Variants in HIBCH observed in about 807,000 individuals in gnomAD.
HIBCH encodes the protein 3-hydroxyisobutyryl-CoA hydrolase, mitochondrial.
In HIBCH, 50 loss-of-function variants were observed where a neutral mutation model predicts 58.2. The observed-to-expected ratio is 0.86, with a 90% CI of 0.68 to 1.09. HIBCH has a LOEUF of 1.09. Ranked by LOEUF, HIBCH falls within the 50% of genes least tolerant of loss-of-function variation. The pLI is 0.00. For synonymous variants in HIBCH, 151 were observed against 146.9 expected, an observed-to-expected ratio of 1.03 and a Z score of -0.20; for missense variants, 450 against 449.7, an observed-to-expected ratio of 1.00 and a Z score of -0.01.
intron 11 of HIBCH, among the ~76,000 whole-genome samples, chr2:190,237,053 C>T (rs987457622): frequency 1.2e-4 from 18 of 152,114 alleles, no homozygotes; most frequent in African/African-American, 4.3e-4. Context: ...ACAATGCATA[C>T]ATCTATAGGC....
rs983183259 is a variant in HIBCH, at chr2:190,197,269, C to T, written c.*18-7272G>A. Among the ~76,000 whole-genome samples, 17 of 152,174 alleles carry T rather than the reference C, an allele frequency of 1.1e-4. No homozygotes were observed. Among genetic ancestry groups the T allele is most frequent in the African/African-American group, 4.1e-4 (17 of 41,438 alleles). ...CCTTGTTTAGGGTATACTACTGATTCCTAAGGTGTCGCATTTCTTGAGTAG... is the reference window on the plus strand; with the variant it reads ...CCTTGTTTAGGGTATACTACTGATTTCTAAGGTGTCGCATTTCTTGAGTAG... On this transcript the variant is annotated intron_variant, in intron 1 of 1. Transcript: ENST00000399855. The surrounding 1 kb of genome is among the most constrained non-coding windows in gnomAD (Gnocchi z 4.0).
intron 6 of HIBCH, among the ~76,000 whole-genome samples, chr2:190,263,280 C>G (rs1246064365): frequency 6.6e-6 from 1 of 152,116 alleles, no homozygotes; most frequent in Non-Finnish European, 1.5e-5. Context: ...CCTACCAAAC[C>G]CAGTAGTCAA....
intron 13 of HIBCH, among the ~76,000 whole-genome samples, chr2:190,208,326 T>C (rs1338383981): frequency 6.6e-6 from 1 of 152,128 alleles, no homozygotes; most frequent in African/African-American, 2.4e-5. Context: ...TTGAGGGCTT[T>C]TTGTAAGGTA....
chr2:190,301,180 A>T (rs1211105464), intron 2 of HIBCH, among the ~76,000 whole-genome samples: 1 of 152,218 alleles, frequency 6.6e-6, no homozygotes, highest in Non-Finnish European at 1.5e-5. Context: ...TCAGGAGGGA[A>T]ACAGAGGTCA....
downstream of HIBCH, chr2:190,203,909 G>A (rs989945851): frequency 6.6e-6 from 1 of 151,848 alleles, no homozygotes; most frequent in African/African-American, 2.4e-5. Context: ...TGGGATGAAG[G>A]AGAAACTATA....
chr2:190,261,054 T>A (rs112542275), intron 7 of HIBCH, 102 bp downstream of exon 7: 7 of 852,272 alleles, frequency 8.2e-6, no homozygotes, highest in African/African-American at 5.1e-5. Context: ...TTGTTGCATC[T>A]CACACAAGAG....
chr2:190,236,447 T>A lies in HIBCH; in HGVS notation c.891+8440A>T, dbSNP rs1219861404. Reference sequence around the variant, plus strand: ...GAACTGTAAATATTTTTCTAAGTAATCATCTTAAACCTTACAAACATATAT... The same window carrying A: ...GAACTGTAAATATTTTTCTAAGTAAACATCTTAAACCTTACAAACATATAT... On this transcript the variant is annotated intron_variant, in intron 11 of 13. Transcript: ENST00000359678. This position sits in a 1 kb window ranked among gnomAD's most constrained non-coding sequence, Gnocchi z 4.1. 2.0e-5 allele frequency among the ~76,000 whole-genome samples: 3 copies of A among 152,214 alleles called. No individual in the cohort carries two copies. Among genetic ancestry groups the A allele is most frequent in the African/African-American group, 7.2e-5 (3 of 41,464 alleles).
At chr2:190,272,642 G>T (rs1416064613) in intron 6 of HIBCH, among the ~76,000 whole-genome samples, 2 of 151,764 alleles carry the variant, frequency 1.3e-5, no homozygotes, top group Non-Finnish European at 2.9e-5. Context: ...CAAAGGAAAT[G>T]GCCAAGGGAA....
intron 11 of HIBCH, among the ~76,000 whole-genome samples, chr2:190,224,843 C>T (rs1277026939): frequency 1.3e-5 from 2 of 152,220 alleles, no homozygotes; most frequent in Non-Finnish European, 2.9e-5. Context: ...TTCTTCTCAG[C>T]ACCACATCAG....
At chr2:190,208,773 T>C (rs1207766495) in intron 13 of HIBCH, 107 bp downstream of exon 13, 3 of 932,820 alleles carry the variant, frequency 3.2e-6, no homozygotes, top group East Asian at 2.6e-5. Context: ...TTTTGGTACA[T>C]TTTGGATTTT....
chr2:190,196,723 G>C (rs1208497591), intron 1 of HIBCH, among the ~76,000 whole-genome samples: 2 of 152,068 alleles, frequency 1.3e-5, no homozygotes, highest in Non-Finnish European at 2.9e-5. Context: ...TGGTCCATAG[G>C]CTGGCTATTT....
chr2:190,268,783 G>A (rs1687311791), intron 6 of HIBCH, among the ~76,000 whole-genome samples: 1 of 152,146 alleles, frequency 6.6e-6, no homozygotes, highest in Non-Finnish European at 1.5e-5. Context: ...CTAACCCATA[G>A]GCAGCATGCC....
At chr2:190,274,614 C>T (rs2582772) in intron 6 of HIBCH, among the ~76,000 whole-genome samples, 109,553 of 152,076 alleles carry the variant, frequency 0.72, 39,983 homozygotes, top group Non-Finnish European at 0.75. Flanking sequence ...GGGACTGCTC[C>T]AACAAGACAG....
intron 1 of HIBCH, among the ~76,000 whole-genome samples, chr2:190,190,731 A>G (rs185028335): frequency 2.5e-3 from 378 of 152,290 alleles, no homozygotes; most frequent in African/African-American, 8.0e-3. Context: ...AATTTTAGCA[A>G]TCTTAGTGTG....
chr2:190,216,268 G>A lies in HIBCH; in HGVS notation c.892-3193C>T, dbSNP rs1276290269. Among the ~76,000 whole-genome samples, 1 of 152,148 alleles carries A rather than the reference G, an allele frequency of 6.6e-6. No individual in the cohort carries two copies. The highest frequency in any genetic ancestry group is 2.4e-5 in the African/African-American group (1 of 41,430). Reference sequence around the variant, plus strand: ...GGAACCGGGCGATGCAAATGAGAAAGGGATGTGGAGGACAGTTTAGGATCA... The same window carrying A: ...GGAACCGGGCGATGCAAATGAGAAAAGGATGTGGAGGACAGTTTAGGATCA... On this transcript the variant is annotated intron_variant, in intron 11 of 13. Coordinates refer to ENST00000359678, the MANE Select transcript of HIBCH (RefSeq NM_014362.4). The surrounding 1 kb of genome is among the most constrained non-coding windows in gnomAD (Gnocchi z 4.2).
downstream of HIBCH, chr2:190,201,081 G>A (rs1330485955): frequency 6.0e-6 from 1 of 166,982 alleles, no homozygotes; most frequent in Non-Finnish European, 1.5e-5. Flanking sequence ...ATTTACAGTT[G>A]TATTGCAAAA....
intron 6 of HIBCH, among the ~76,000 whole-genome samples, chr2:190,283,109 C>T (rs1687745952): frequency 6.6e-6 from 1 of 152,144 alleles, no homozygotes; most frequent in African/African-American, 2.4e-5. Context: ...GATTTTGGAA[C>T]ATTTCCGATT....
chr2:190,231,422 A>T (rs980443386), intron 11 of HIBCH, among the ~76,000 whole-genome samples: 1 of 152,218 alleles, frequency 6.6e-6, no homozygotes, highest in Non-Finnish European at 1.5e-5. Context: ...AAAGGGCAAA[A>T]ATCATATGAT....
intron 6 of HIBCH, among the ~76,000 whole-genome samples, chr2:190,274,540 A>T (rs1161618185): frequency 1.3e-5 from 2 of 152,148 alleles, no homozygotes; most frequent in South Asian, 4.1e-4. Context: ...TTTAAAACTT[A>T]ATTTTCTATT....
Sources: allele counts gnomAD v4.1 joint callset (sites outside exome capture counted in the v4.1 genomes callset), GRCh38; gene constraint gnomAD v4.1.1; non-coding constraint Gnocchi (gnomAD v3.1); transcripts MANE v1.5; gene names NCBI Gene and HGNC (gene_info 2026-07-23, HGNC 2026-07-21).